Variants in GMNC observed in about 807,000 individuals in gnomAD.
GMNC encodes geminin coiled-coil domain-containing protein 1.
In GMNC, 16 loss-of-function variants were observed where a neutral mutation model predicts 33.6. That is an observed-to-expected ratio of 0.48 (90% CI 0.32 to 0.72). GMNC has a LOEUF of 0.72. Among genes scored for constraint, GMNC ranks in the 30% least tolerant of loss-of-function variants. GMNC has a pLI of 0.03. For synonymous variants in GMNC, 156 were observed against 147.3 expected (o/e 1.06, Z -0.43); for missense variants, 393 against 388.9 (o/e 1.01, Z -0.09).
At chr3:190,860,284 AG>A (rs1208709080) in intron 2 of GMNC, among the ~76,000 whole-genome samples, 1 of 152,248 alleles carries the variant, frequency 6.6e-6, no homozygotes, top group African/African-American at 2.4e-5. Flanking sequence ...ATAAAAATTA[AG>A]TTAGTATTTC....
chr3:190,844,609 T>C, the GMNC span, among the ~76,000 whole-genome samples: 1 of 151,886 alleles, frequency 6.6e-6, no homozygotes, highest in East Asian at 1.9e-4. Context: ...TATTTATCAA[T>C]ATTTTGCATA....
chr3:190,850,349 G>C (rs1193600602), downstream of GMNC, among the ~76,000 whole-genome samples: 1 of 152,228 alleles, frequency 6.6e-6, no homozygotes, highest in African/African-American at 2.4e-5. Context: ...AGACAGCCAA[G>C]TGTCCCCAGT....
At chr3:190,844,090 G>A in the GMNC span, among the ~76,000 whole-genome samples, 1 of 152,076 alleles carries the variant, frequency 6.6e-6, no homozygotes. Context: ...GCTTAAAAAT[G>A]TCTAACACAG....
In GMNC at chr3:190,854,342, T is replaced by C. The variant is rs933616222; in HGVS notation, c.*953A>G. The C allele has an allele frequency of 2.0e-5, 3 of 152,184 alleles. No homozygotes were observed. Among genetic ancestry groups the C allele is most frequent in the Non-Finnish European group, 4.4e-5 (3 of 68,008 alleles). 9.4% of individuals were successfully genotyped at this position (152,184 alleles called of 1,614,324 possible). ...TTGCTTGTATTTTATCACCATCACATAGCATAGTGCCTGGTACAAAGTAGG... is the reference window on the plus strand; with the variant it reads ...TTGCTTGTATTTTATCACCATCACACAGCATAGTGCCTGGTACAAAGTAGG... On this transcript the variant is annotated 3_prime_UTR_variant, in exon 5 of 5. Coordinates refer to ENST00000442080, the MANE Select transcript of GMNC (RefSeq NM_001146686.3).
At chr3:190,844,789 C>T in the GMNC span, among the ~76,000 whole-genome samples, 12 of 151,886 alleles carry the variant, frequency 7.9e-5, no homozygotes, top group Non-Finnish European at 1.6e-4. Context: ...TTAAAGTATT[C>T]AAATATATAA....
downstream of GMNC, among the ~76,000 whole-genome samples, chr3:190,848,097 C>T (rs1424610923): frequency 1.3e-5 from 2 of 152,174 alleles, no homozygotes; most frequent in African/African-American, 2.4e-5. Context: ...AGTTACCATA[C>T]TGATACCAAT....
At position 190,862,377 on chromosome 3, in the gene GMNC, CGAGA is replaced by C. The variant is rs889984976; in HGVS notation, c.3+232_3+235del. 9.4e-6 allele frequency among the ~76,000 whole-genome samples: 1 copy of C among 106,214 alleles called. No homozygotes were observed. The highest frequency in any genetic ancestry group is 9.7e-5 in the Admixed American group (1 of 10,312). 69.7% of individuals were successfully genotyped at this position (106,214 alleles called of 152,430 possible). A position where few individuals can be genotyped will look rare whatever the true frequency, so the allele number is the denominator to read the frequency against. On this transcript the variant is annotated intron_variant, in intron 1 of 4. Coordinates refer to ENST00000442080, the MANE Select transcript of GMNC (RefSeq NM_001146686.3). The surrounding 1 kb of genome is among the most constrained non-coding windows in gnomAD (Gnocchi z 4.5). ...TAATAACAGAAAGAGAGAGAGAGGGCGAGAGAGAGAAAGGAGAGAAAGAAGAGGG... is the reference window on the plus strand; with the variant it reads ...TAATAACAGAAAGAGAGAGAGAGGGCGAGAGAAAGGAGAGAAAGAAGAGGG...
the GMNC span, among the ~76,000 whole-genome samples, chr3:190,843,926 A>T: frequency 1.3e-5 from 2 of 152,344 alleles, no homozygotes; most frequent in South Asian, 2.1e-4. Context: ...TAATTTAAGT[A>T]GTGTATTGTT....
rs949002493 is a variant in GMNC, at chr3:190,862,344, G to T, written c.3+269C>A. Among the ~76,000 whole-genome samples the T allele has an allele frequency of 6.8e-6, 1 of 147,786 alleles. No homozygotes were observed. Among genetic ancestry groups the T allele is most frequent in the Non-Finnish European group, 1.5e-5 (1 of 67,086 alleles). On this transcript the variant is annotated intron_variant, in intron 1 of 4. Transcript: ENST00000442080. This position sits in a 1 kb window ranked among gnomAD's most constrained non-coding sequence, Gnocchi z 4.5. ...AGGGGGAAGTTGGGGAGAAAGTAAG[G>T]AAAGTAGTAATAACAGAAAGAGAGA...
At chr3:190,844,430 T>C in the GMNC span, among the ~76,000 whole-genome samples, 1 of 151,512 alleles carries the variant, frequency 6.6e-6, no homozygotes, top group East Asian at 1.9e-4. Context: ...ATTGTGTTTT[T>C]AAATAATTTA....
rs1230954717 is a variant in GMNC at position 190,858,948 on chromosome 3, G to C, written c.247C>G (p.Gln83Glu). 4.5e-6 allele frequency: 7 copies of C among 1,549,018 alleles called. No individual in the cohort carries two copies. Among genetic ancestry groups the C allele is most frequent in the African/African-American group, 1.4e-5 (1 of 72,974 alleles). Residue 83 changes from glutamine (Q) to glutamate (E), a missense_variant, in exon 3 of 5, where the codon CAG (glutamine) becomes GAG (glutamate). Physicochemically the swap from Gln to Glu is conservative, Grantham distance 29 (BLOSUM62 2). Coordinates refer to ENST00000442080, the MANE Select transcript of GMNC (RefSeq NM_001146686.3). ...CATACCTGCTTATTTCTGTAGAGCT[G>C]AGAGGAAAGCTGAGCCTCTTCCCAT... ...CSWEEAQLSSQLYRNKQLQDT... is the reference protein window; with the variant it reads ...CSWEEAQLSSELYRNKQLQDT...
rs1474065173 is a variant in GMNC at position 190,855,185 on chromosome 3, A to G, written c.*110T>C. ...AATTGAGAGTGACATTTAAAGTGGC[A>G]GGAGACAGTCTAAGCAACAGCTTCT... On this transcript the variant is annotated 3_prime_UTR_variant, in exon 5 of 5. Coordinates refer to ENST00000442080, the MANE Select transcript of GMNC (RefSeq NM_001146686.3). 1 of 1,078,108 alleles carries G rather than the reference A, an allele frequency of 9.3e-7. No homozygotes were observed. The highest frequency in any genetic ancestry group is 1.3e-6 in the Non-Finnish European group (1 of 760,854). 66.8% of individuals were successfully genotyped at this position (1,078,108 alleles called of 1,614,324 possible). A position where few individuals can be genotyped will look rare whatever the true frequency, so the allele number is the denominator to read the frequency against.
Position 190,861,451 on chromosome 3 carries a change from C to CTAT in GMNC, c.4-596_4-594dup, listed in dbSNP as rs1272829848. Among the ~76,000 whole-genome samples the CTAT allele has an allele frequency of 1.0e-4, 15 of 144,062 alleles. No individual in the cohort carries two copies. Among genetic ancestry groups the CTAT allele is most frequent in the African/African-American group, 3.8e-4 (15 of 39,210 alleles). 94.5% of individuals were successfully genotyped at this position (144,062 alleles called of 152,430 possible). ...TCTATCTGTCTGTCTGTCTGTCTGC[C>CTAT]TATCATCTATCTATCTATCTATCTA... On this transcript the variant is annotated intron_variant, in intron 1 of 4. Coordinates refer to ENST00000442080, the MANE Select transcript of GMNC (RefSeq NM_001146686.3). The surrounding 1 kb of genome is among the most constrained non-coding windows in gnomAD (Gnocchi z 5.1).
chr3:190,862,358 C>CAAAGAG lies in GMNC; in HGVS notation c.3+254_3+255insCTCTTT, dbSNP rs1553787633. On this transcript the variant is annotated intron_variant, in intron 1 of 4. Coordinates refer to ENST00000442080, the MANE Select transcript of GMNC (RefSeq NM_001146686.3). This position sits in a 1 kb window ranked among gnomAD's most constrained non-coding sequence, Gnocchi z 4.5. ...GAGAAAGTAAGGAAAGTAGTAATAA[C>CAAAGAG]AGAAAGAGAGAGAGAGGGCGAGAGA... 3.1e-5 allele frequency among the ~76,000 whole-genome samples: 2 copies of CAAAGAG among 65,218 alleles called. No individual in the cohort carries two copies. Among genetic ancestry groups the CAAAGAG allele is most frequent in the Non-Finnish European group, 6.2e-5 (2 of 32,050 alleles). 42.8% of individuals were successfully genotyped at this position (65,218 alleles called of 152,430 possible).
chr3:190,851,032 G>A (rs1159734183), downstream of GMNC, among the ~76,000 whole-genome samples: 1 of 152,122 alleles, frequency 6.6e-6, no homozygotes, highest in African/African-American at 2.4e-5. Flanking sequence ...CTGATAACAA[G>A]ATAATCTCCA....
the GMNC span, among the ~76,000 whole-genome samples, chr3:190,845,200 A>C: frequency 6.6e-6 from 1 of 152,182 alleles, no homozygotes; most frequent in African/African-American, 2.4e-5. Context: ...TTTTATTTTC[A>C]GAATTTTCTT....
chr3:190,851,108 C>A (rs1737627211), downstream of GMNC, among the ~76,000 whole-genome samples: 1 of 152,150 alleles, frequency 6.6e-6, no homozygotes, highest in Non-Finnish European at 1.5e-5. Context: ...TTAATCCTTC[C>A]CTGAGGAAAA....
In GMNC at chr3:190,855,695, T is replaced by C. The variant is rs145669234; in HGVS notation, c.605A>G (p.Asp202Gly). The C allele has an allele frequency of 1.6e-4, 245 of 1,551,604 alleles. No homozygotes were observed. The African/African-American group carries it at 3.0e-3, about 19-fold the overall frequency. ...ACTGTAGTTAGCTGATGAGGTGTCATCGATAGTGTCAAGGTCTTTTAACCC... is the reference window on the plus strand; with the variant it reads ...ACTGTAGTTAGCTGATGAGGTGTCACCGATAGTGTCAAGGTCTTTTAACCC... ...TLGLKDLDTI[D>G]DTSSANYSAL... Residue 202 changes from aspartate to glycine, a missense_variant, in exon 5 of 5, where the codon GAT (aspartate) becomes GGT (glycine). Asp to Gly is a moderately conservative substitution (Grantham distance 94, BLOSUM62 -1). Transcript: ENST00000442080.
intron 4 of GMNC, among the ~76,000 whole-genome samples, chr3:190,857,537 C>G (rs1737773418): frequency 6.6e-6 from 1 of 152,226 alleles, no homozygotes; most frequent in East Asian, 1.9e-4. Flanking sequence ...AACCCCCACC[C>G]TCGACTAGCA....
Sources: gnomAD v4.1 joint callset for allele counts (sites outside exome capture counted in the v4.1 genomes callset) on GRCh38, gnomAD v4.1.1 for gene constraint, Gnocchi (gnomAD v3.1) non-coding constraint, MANE v1.5 for transcripts, NCBI Gene and HGNC (gene_info 2026-07-23, HGNC 2026-07-21) for gene names.